ATP2B1: variants seen among roughly 807,000 people sequenced by gnomAD.
ATP2B1 encodes plasma membrane calcium-transporting ATPase 1.
A neutral mutation model predicts 124.2 loss-of-function variants in ATP2B1; 14 were observed. The observed-to-expected ratio is 0.11, with a 90% CI of 0.07 to 0.18. The LOEUF is 0.18. Among genes scored for constraint, ATP2B1 ranks in the 10% least tolerant of loss-of-function variants. The probability of loss-of-function intolerance (pLI) is 1.00; values close to 1 mark genes in which losing one functional copy is unlikely to be tolerated. For missense variants in ATP2B1, 763 were observed against 1,466.1 expected (o/e 0.52, Z 7.83); for synonymous variants, 449 against 492.4 (o/e 0.91, Z 1.17).
At chr12:89,676,116 A>C (rs537979081) in intron 1 of ATP2B1, among the ~76,000 whole-genome samples, 1 of 152,234 alleles carries the variant, frequency 6.6e-6, no homozygotes, top group South Asian at 2.1e-4. Flanking sequence ...TGGAGAACCT[A>C]CCAATCTTAG....
chr12:89,702,582 C>A (rs1325239349), intron 1 of ATP2B1, among the ~76,000 whole-genome samples: 1 of 152,164 alleles, frequency 6.6e-6, no homozygotes, highest in African/African-American at 2.4e-5. Flanking sequence ...GTTAAACAGT[C>A]AAATCTTCTT....
chr12:89,686,560 G>A (rs1287582796), intron 1 of ATP2B1, among the ~76,000 whole-genome samples: 3 of 151,970 alleles, frequency 2.0e-5, no homozygotes, highest in African/African-American at 4.8e-5. Flanking sequence ...GGAAATTTTA[G>A]CAAAATTTGT....
In ATP2B1 at chr12:89,610,190, G is replaced by C. The variant is rs1191256730; in HGVS notation, c.2336-147C>G. The C allele has an allele frequency of 1.6e-5, 13 of 837,448 alleles. 1 individual carries two copies. Among genetic ancestry groups the C allele is most frequent in the Non-Finnish European group, 1.5e-5 (8 of 549,856 alleles). The allele number at this position is 837,448 out of a possible 1,614,324, so 51.9% of individuals were successfully genotyped here. On this transcript the variant is annotated intron_variant, in intron 14 of 20. Transcript: ENST00000428670. The stretch of plus-strand genomic sequence containing the variant: ...TGGAAATTGCTTAGATGTTGGGTGA[G>C]AACCTACTTCAGAAACTATGGGTAT...
chr12:89,647,158 A>C (rs1419381431), intron 2 of ATP2B1, among the ~76,000 whole-genome samples: 1 of 151,972 alleles, frequency 6.6e-6, no homozygotes, highest in East Asian at 1.9e-4. Flanking sequence ...TATAATGAGA[A>C]CTCTTCTGCC....
At chr12:89,658,639 G>GAGAGAGAT (rs1886287692) in intron 1 of ATP2B1, among the ~76,000 whole-genome samples, 1 of 150,666 alleles carries the variant, frequency 6.6e-6, no homozygotes, top group African/African-American at 2.5e-5. Flanking sequence ...GAGAGAGAGA[G>GAGAGAGAT]AGAGAGAGAT....
chr12:89,687,490 G>A (rs1890096078), intron 1 of ATP2B1, among the ~76,000 whole-genome samples: 1 of 152,014 alleles, frequency 6.6e-6, no homozygotes, highest in Admixed American at 6.6e-5. Flanking sequence ...TTTTACATGA[G>A]GTACTTGAAC....
chr12:89,700,499 G>T (rs1891714730), intron 1 of ATP2B1, among the ~76,000 whole-genome samples: 1 of 152,118 alleles, frequency 6.6e-6, no homozygotes. Context: ...AGAAGAAAAG[G>T]ACAGAAGTAT....
At chr12:89,627,654 G>A (rs1327808043) in intron 7 of ATP2B1, 24 bp downstream of exon 7, 9 of 1,611,008 alleles carry the variant, frequency 5.6e-6, no homozygotes, top group East Asian at 4.5e-5. Context: ...CAAGCTCACT[G>A]TACTTTTGTC....
At position 89,626,464 on chromosome 12, in the gene ATP2B1, A is replaced by G; in HGVS notation, c.1119T>C (p.Ile373=). Residue 373 remains isoleucine (I), a synonymous_variant, in exon 8 of 21, where the codon ATT becomes ATC. Coordinates refer to ENST00000428670, the MANE Select transcript of ATP2B1 (RefSeq NM_001366521.1). ...QGKLTKLAVQ[I]GKAGLLMSAI... is the part of the protein sequence containing the mutation. ...TTCTCTATATCATACCTGCTTTGCC[A>G]ATCTGAACAGCCAGTTTTGTAAGTT... 4 of 1,608,564 alleles carry G rather than the reference A, an allele frequency of 2.5e-6. No individual in the cohort carries two copies. The highest frequency in any genetic ancestry group is 3.4e-6 in the Non-Finnish European group (4 of 1,178,292).
At chr12:89,604,832 GC>G (rs1002711609) in intron 15 of ATP2B1, among the ~76,000 whole-genome samples, 2 of 151,794 alleles carry the variant, frequency 1.3e-5, no homozygotes, top group African/African-American at 2.4e-5. Flanking sequence ...AGTAGAAGTA[GC>G]CCCCTTTCCC....
At chr12:89,657,014 A>T (rs1260880304) in intron 1 of ATP2B1, among the ~76,000 whole-genome samples, 1 of 152,188 alleles carries the variant, frequency 6.6e-6, no homozygotes, top group Non-Finnish European at 1.5e-5. Context: ...CATACTTTCA[A>T]GTCCTCCTAT....
intron 20 of ATP2B1, chr12:89,594,259 C>T (rs886570845): frequency 2.0e-5 from 3 of 151,982 alleles, no homozygotes; most frequent in Admixed American, 6.6e-5. Flanking sequence ...TGAGCTGGCT[C>T]ACACCTGCTC....
At chr12:89,650,618 C>A (rs745772650) in intron 2 of ATP2B1, among the ~76,000 whole-genome samples, 14 of 152,196 alleles carry the variant, frequency 9.2e-5, no homozygotes, top group Non-Finnish European at 1.6e-4. Flanking sequence ...TTGCCCTTTA[C>A]AAGTCCATGA....
chr12:89,701,926 C>A (rs1469971933), intron 1 of ATP2B1, among the ~76,000 whole-genome samples: 1 of 152,156 alleles, frequency 6.6e-6, no homozygotes, highest in African/African-American at 2.4e-5. Context: ...GACTCTAAGA[C>A]CGTCACACAG....
intron 1 of ATP2B1, among the ~76,000 whole-genome samples, chr12:89,677,679 G>C (rs555705869): frequency 6.6e-6 from 1 of 151,976 alleles, no homozygotes; most frequent in Non-Finnish European, 1.5e-5. Flanking sequence ...TATTTCTCCT[G>C]ATACCAAACT....
At chr12:89,592,133 A>G (rs1873692256) in intron 20 of ATP2B1, among the ~76,000 whole-genome samples, 1 of 152,084 alleles carries the variant, frequency 6.6e-6, no homozygotes, top group African/African-American at 2.4e-5. Context: ...TGCTGTATAA[A>G]TGAAAAAGAT....
At chr12:89,667,713 G>A (rs1887477893) in intron 1 of ATP2B1, among the ~76,000 whole-genome samples, 1 of 152,074 alleles carries the variant, frequency 6.6e-6, no homozygotes, top group Non-Finnish European at 1.5e-5. Context: ...ATTAAGTGTT[G>A]TACACTGCTA....
At chr12:89,630,748 T>G (rs1881716848) in intron 5 of ATP2B1, 103 bp from the exon 6 acceptor site, 1 of 364,784 alleles carries the variant, frequency 2.7e-6, no homozygotes, top group African/African-American at 2.9e-5. Context: ...CCTCAACATT[T>G]AGGAAAAAAT....
intron 19 of ATP2B1, among the ~76,000 whole-genome samples, chr12:89,600,109 C>T (rs960717280): frequency 3.9e-5 from 6 of 152,158 alleles, no homozygotes; most frequent in African/African-American, 1.4e-4. Context: ...TACCATGGTA[C>T]ACTTAGTATG....
Sources: gnomAD v4.1 joint callset for allele counts (sites outside exome capture counted in the v4.1 genomes callset) on GRCh38, gnomAD v4.1.1 for gene constraint, MANE v1.5 for transcripts, NCBI Gene and HGNC (gene_info 2026-07-23, HGNC 2026-07-21) for gene names.